PPM1L: variants seen among roughly 807,000 people sequenced by gnomAD.
PPM1L encodes protein phosphatase 1L.
Under a neutral mutation model 31.4 loss-of-function variants are expected in PPM1L, and 13 were observed. The observed-to-expected ratio is 0.41, with a 90% CI of 0.27 to 0.66. PPM1L has a LOEUF of 0.66. Among genes scored for constraint, PPM1L ranks in the 30% least tolerant of loss-of-function variants. The pLI is 0.29. For synonymous variants in PPM1L, 184 were observed against 175.4 expected (o/e 1.05, Z -0.39); for missense variants, 326 against 453.7 (o/e 0.72, Z 2.56).
rs142724893 is a variant in PPM1L at position 160,945,869 on chromosome 3, T to C, written c.400-15867T>C. Among the ~76,000 whole-genome samples, 289 of 152,286 alleles carry C rather than the reference T, an allele frequency of 1.9e-3. 1 individual carries two copies. The highest frequency in any genetic ancestry group is 6.8e-3 in the Middle Eastern group (2 of 294). On this transcript the variant is annotated intron_variant, in intron 1 of 3. Transcript: ENST00000498165. ...ATAAATAGTAAATATGTTTTCCTTA[T>C]GATTTTCTTAATAACATTTTCTTCT... is the stretch of plus-strand genomic sequence containing the variant.
intron 1 of PPM1L, among the ~76,000 whole-genome samples, chr3:160,834,247 TCTC>T (rs755535833): frequency 9.2e-5 from 14 of 152,020 alleles, no homozygotes; most frequent in Non-Finnish European, 1.8e-4. Flanking sequence ...GTGATCTCGA[TCTC>T]CTGACCTCGT....
intron 2 of PPM1L, among the ~76,000 whole-genome samples, chr3:160,967,263 T>C (rs1716181481): frequency 6.6e-6 from 1 of 152,060 alleles, no homozygotes; most frequent in Non-Finnish European, 1.5e-5. Context: ...ATTAAACCTC[T>C]TTTTCTTTAT....
intron 1 of PPM1L, among the ~76,000 whole-genome samples, chr3:160,784,727 C>A (rs925963099): frequency 6.6e-6 from 1 of 152,154 alleles, no homozygotes; most frequent in South Asian, 2.1e-4. Flanking sequence ...CTCTATCAAA[C>A]ATTAATTTAT....
chr3:160,927,046 C>A lies in PPM1L; in HGVS notation c.400-34690C>A, dbSNP rs116409334. On this transcript the variant is annotated intron_variant, in intron 1 of 3. Coordinates refer to ENST00000498165, the MANE Select transcript of PPM1L (RefSeq NM_139245.4). ...GACTTGTTAGGTTTTCCACCTAAGG[C>A]AAATGTGTTAATATTGTGTAAATAG... Among the ~76,000 whole-genome samples, 1,505 of 152,220 alleles carry A rather than the reference C, an allele frequency of 9.9e-3. 29 individuals carry two copies. Among genetic ancestry groups the A allele is most frequent in the African/African-American group, 0.035 (1,457 of 41,526 alleles).
intron 2 of PPM1L, among the ~76,000 whole-genome samples, chr3:161,035,279 A>C (rs1299608890): frequency 6.6e-6 from 1 of 152,060 alleles, no homozygotes; most frequent in African/African-American, 2.4e-5. Flanking sequence ...TTGAATAGGT[A>C]AGTAACCCAA....
intron 1 of PPM1L, among the ~76,000 whole-genome samples, chr3:160,825,647 C>G (rs544473940): frequency 6.6e-6 from 1 of 152,020 alleles, no homozygotes; most frequent in African/African-American, 2.4e-5. Flanking sequence ...TTTTGCCTGG[C>G]GGTGCTGATT....
In PPM1L at chr3:161,078,746, G is replaced by A. The variant is rs1576632533; in HGVS notation, c.*9589G>A. 1 of 152,194 alleles carries A rather than the reference G, an allele frequency of 6.6e-6. No homozygotes were observed. The highest frequency in any genetic ancestry group is 1.9e-4 in the East Asian group (1 of 5,192). 9.4% of individuals were successfully genotyped at this position (152,194 alleles called of 1,614,324 possible). ...ACTCAAGATGCATGGCGTGTCATTT[G>A]GGTCGCTTTGATGGGTGCTCGGGTA... On this transcript the variant is annotated 3_prime_UTR_variant, in exon 4 of 4. Transcript: ENST00000498165.
chr3:161,042,132 A>G, intron 2 of PPM1L, among the ~76,000 whole-genome samples: 1 of 152,182 alleles, frequency 6.6e-6, no homozygotes, highest in African/African-American at 2.4e-5. Context: ...TGCTCCTTGT[A>G]TCACGGCAGG....
chr3:160,994,296 G>C (rs1366839658), intron 2 of PPM1L, among the ~76,000 whole-genome samples: 1 of 152,178 alleles, frequency 6.6e-6, no homozygotes, highest in African/African-American at 2.4e-5. Context: ...AGGGAGTTCA[G>C]TGGCAGCAGC....
At chr3:160,945,669 T>C (rs971954929) in intron 1 of PPM1L, among the ~76,000 whole-genome samples, 2 of 152,128 alleles carry the variant, frequency 1.3e-5, no homozygotes, top group Non-Finnish European at 2.9e-5. Flanking sequence ...ACAAATATAG[T>C]TGACCCTTGA....
intron 2 of PPM1L, among the ~76,000 whole-genome samples, chr3:160,970,580 G>T (rs892090420): frequency 6.6e-6 from 1 of 150,788 alleles, no homozygotes; most frequent in Non-Finnish European, 1.5e-5. Flanking sequence ...CTCCCAAGTA[G>T]CTGGGACTAC....
intron 1 of PPM1L, among the ~76,000 whole-genome samples, chr3:160,823,789 A>G (rs767547424): frequency 2.0e-5 from 3 of 152,134 alleles, no homozygotes; most frequent in Non-Finnish European, 4.4e-5. Flanking sequence ...CAGAAAGATA[A>G]TGTAATTTGT....
chr3:160,777,318 C>T (rs112728026), intron 1 of PPM1L, among the ~76,000 whole-genome samples: 2,112 of 152,096 alleles, frequency 0.014, 24 homozygotes, highest in Non-Finnish European at 0.022. Flanking sequence ...AAGACCTTAT[C>T]TATATAAAAA....
intron 2 of PPM1L, among the ~76,000 whole-genome samples, chr3:161,023,721 G>A (rs745468061): frequency 6.6e-6 from 1 of 152,032 alleles, no homozygotes; most frequent in East Asian, 1.9e-4. Context: ...TTTCTTGAAA[G>A]TCTAACATCT....
intron 1 of PPM1L, among the ~76,000 whole-genome samples, chr3:160,807,354 G>A (rs901937886): frequency 1.3e-5 from 2 of 152,176 alleles, no homozygotes; most frequent in Admixed American, 1.3e-4. Flanking sequence ...ATTATTGACA[G>A]ATTTTTATAA....
intron 2 of PPM1L, among the ~76,000 whole-genome samples, chr3:161,028,734 C>G (rs761038313): frequency 6.6e-6 from 1 of 152,160 alleles, no homozygotes; most frequent in Non-Finnish European, 1.5e-5. Flanking sequence ...CAAAAAGGCT[C>G]TCCCGGGTGG....
At chr3:161,015,319 A>G (rs1467879422) in intron 2 of PPM1L, among the ~76,000 whole-genome samples, 1 of 152,224 alleles carries the variant, frequency 6.6e-6, no homozygotes, top group Non-Finnish European at 1.5e-5. Context: ...CAAGTTCTTC[A>G]TAAAACCTCA....
At chr3:160,774,312 T>C (rs1264805222) in intron 1 of PPM1L, among the ~76,000 whole-genome samples, 1 of 152,082 alleles carries the variant, frequency 6.6e-6, no homozygotes, top group East Asian at 1.9e-4. Context: ...TATGGAGACA[T>C]GCCATAAAGA....
Position 161,069,225 on chromosome 3 carries a change from G to A in PPM1L, c.*68G>A. ...ACACACTGGTCTCTTTTAATTTAGTGAAAAGTGTGGGAGTTGTAATTAGGA... is the reference window on the plus strand; with the variant it reads ...ACACACTGGTCTCTTTTAATTTAGTAAAAAGTGTGGGAGTTGTAATTAGGA... On this transcript the variant is annotated 3_prime_UTR_variant, in exon 4 of 4. Coordinates refer to ENST00000498165, the MANE Select transcript of PPM1L (RefSeq NM_139245.4). 1.7e-6 allele frequency: 2 copies of A among 1,201,568 alleles called. No homozygotes were observed. Among genetic ancestry groups the A allele is most frequent in the Non-Finnish European group, 2.3e-6 (2 of 866,380 alleles). The allele number at this position is 1,201,568 out of a possible 1,614,324, so 74.4% of individuals were successfully genotyped here.
Sources: gnomAD v4.1 joint callset for allele counts (sites outside exome capture counted in the v4.1 genomes callset) on GRCh38, gnomAD v4.1.1 for gene constraint, MANE v1.5 for transcripts, NCBI Gene and HGNC (gene_info 2026-07-23, HGNC 2026-07-21) for gene names.